The following HIP1 variants were observed in gnomAD, a reference collection of about 807,000 sequenced individuals.
The protein encoded by HIP1 is huntingtin-interacting protein 1.
Under a neutral mutation model 147.6 loss-of-function variants are expected in HIP1, and 65 were observed. The observed-to-expected ratio is 0.44, with a 90% CI of 0.36 to 0.54. HIP1 has a LOEUF of 0.54. Ranked by LOEUF, HIP1 falls within the 20% of genes least tolerant of loss-of-function variation. HIP1 has a pLI of 0.00. For missense variants in HIP1, 1,061 were observed against 1,299.6 expected (o/e 0.82, Z 2.82); for synonymous variants, 479 against 504.0 (o/e 0.95, Z 0.67).
chr7:75,700,686 G>C (rs1800797209), intron 1 of HIP1, among the ~76,000 whole-genome samples: 1 of 151,860 alleles, frequency 6.6e-6, no homozygotes, highest in South Asian at 2.1e-4. Context: ...ACGTCTCCTG[G>C]GGTTACAGTG....
At chr7:75,638,613 C>T (rs563934638) in intron 1 of HIP1, among the ~76,000 whole-genome samples, 1 of 152,252 alleles carries the variant, frequency 6.6e-6, no homozygotes, top group Non-Finnish European at 1.5e-5. Flanking sequence ...TCTCACTGTC[C>T]TCCCAGCGCC....
intron 4 of HIP1, among the ~76,000 whole-genome samples, chr7:75,591,214 A>G (rs59012730): frequency 0.4 from 60,850 of 151,748 alleles, 13,743 homozygotes; most frequent in East Asian, 0.76. Context: ...TGTATTTTTA[A>G]TAGAGCCCGG....
chr7:75,586,306 G>A (rs1452083651), intron 5 of HIP1, among the ~76,000 whole-genome samples: 2 of 146,584 alleles, frequency 1.4e-5, no homozygotes, highest in Non-Finnish European at 3.0e-5. Flanking sequence ...AGGTTCAAGC[G>A]ATTCTCCTGC....
At chr7:75,587,578 A>C (rs587718903) in intron 4 of HIP1, among the ~76,000 whole-genome samples, 159 of 152,350 alleles carry the variant, frequency 1.0e-3, no homozygotes, top group African/African-American at 3.7e-3. Context: ...TGCTATCATA[A>C]ACCATTTCAA....
intron 1 of HIP1, among the ~76,000 whole-genome samples, chr7:75,688,800 C>T (rs1554517850): frequency 1.3e-5 from 2 of 152,186 alleles, no homozygotes; most frequent in African/African-American, 4.8e-5. Flanking sequence ...GAGAGTGGCC[C>T]CGTGGCCCCG....
At chr7:75,667,143 A>G (rs1563281356) in intron 1 of HIP1, among the ~76,000 whole-genome samples, 1 of 152,132 alleles carries the variant, frequency 6.6e-6, no homozygotes, top group Non-Finnish European at 1.5e-5. Flanking sequence ...AACAGGAAAA[A>G]AATGTTATTT....
intron 1 of HIP1, among the ~76,000 whole-genome samples, chr7:75,635,546 C>G (rs1368050162): frequency 1.4e-5 from 2 of 144,442 alleles, no homozygotes; most frequent in East Asian, 4.1e-4. Context: ...CCACTGCACT[C>G]CAGCCTGGGT....
At chr7:75,615,779 A>G (rs1046331721) in intron 1 of HIP1, among the ~76,000 whole-genome samples, 2 of 151,684 alleles carry the variant, frequency 1.3e-5, no homozygotes, top group African/African-American at 2.4e-5. Flanking sequence ...GTCTCAAAAA[A>G]CAAAAACAAA....
rs539283879 is a variant in HIP1, at chr7:75,691,273, G to T, written c.120+47528C>A. 2.0e-5 allele frequency among the ~76,000 whole-genome samples: 3 copies of T among 152,162 alleles called. No homozygotes were observed. The South Asian group carries it at 6.2e-4, about 32-fold the overall frequency. ...GGAGGCCCGGGCAGGAGGATCGCTT[G>T]AGGTCAGGATTTCGAGACCAGTCTG... is the stretch of plus-strand genomic sequence containing the variant. On this transcript the variant is annotated intron_variant, in intron 1 of 30. Coordinates refer to ENST00000336926, the MANE Select transcript of HIP1 (RefSeq NM_005338.7).
At chr7:75,541,613 T>C (rs1333076323) in intron 29 of HIP1, among the ~76,000 whole-genome samples, 1 of 150,948 alleles carries the variant, frequency 6.6e-6, no homozygotes, top group Non-Finnish European at 1.5e-5. Flanking sequence ...GAAGAATTGC[T>C]TGAACCTGGG....
intron 15 of HIP1, 88 bp downstream of exon 15, chr7:75,558,079 G>T: frequency 9.8e-7 from 1 of 1,022,420 alleles, no homozygotes; most frequent in Non-Finnish European, 1.5e-6. Context: ...TGTAGGGGTT[G>T]CTGGCCCCGG....
intron 18 of HIP1, 151 bp from the exon 19 acceptor site, chr7:75,555,702 T>G: frequency 6.9e-6 from 6 of 865,880 alleles, no homozygotes; most frequent in Non-Finnish European, 1.8e-6. Flanking sequence ...GCGCTTTAAC[T>G]GTGTGCACAG....
At chr7:75,681,489 A>C (rs1360573285) in intron 1 of HIP1, among the ~76,000 whole-genome samples, 2 of 125,166 alleles carry the variant, frequency 1.6e-5, no homozygotes, top group African/African-American at 3.1e-5. Context: ...ACAGCACCAC[A>C]GCACCTGCTT....
intron 1 of HIP1, among the ~76,000 whole-genome samples, chr7:75,730,277 A>G (rs1801795538): frequency 6.6e-6 from 1 of 152,078 alleles, no homozygotes; most frequent in South Asian, 2.1e-4. Flanking sequence ...CAGTGACAGA[A>G]GGACAAACAG....
chr7:75,714,411 A>C (rs1253072652), intron 1 of HIP1, among the ~76,000 whole-genome samples: 1 of 150,342 alleles, frequency 6.7e-6, no homozygotes, highest in Non-Finnish European at 1.5e-5. Flanking sequence ...GTTCCCAGAC[A>C]CCCTTTGCCC....
Position 75,568,354 on chromosome 7 carries a change from G to T in HIP1, c.746-98C>A. The T allele has an allele frequency of 1.2e-6, 1 of 832,018 alleles. No homozygotes were observed. Among genetic ancestry groups the T allele is most frequent in the Non-Finnish European group, 2.1e-6 (1 of 473,332 alleles). The allele number at this position is 832,018 out of a possible 1,614,324, so 51.5% of individuals were successfully genotyped here. A position where few individuals can be genotyped will look rare whatever the true frequency, so the allele number is the denominator to read the frequency against. Reference sequence around the variant, plus strand: ...GGGGGAGGGGCCCAGCTACCCTGGGGCATGTGGCCAGCACTGCCAGGGGCC... The same window carrying T: ...GGGGGAGGGGCCCAGCTACCCTGGGTCATGTGGCCAGCACTGCCAGGGGCC... On this transcript the variant is annotated intron_variant, in intron 8 of 30. Coordinates refer to ENST00000336926, the MANE Select transcript of HIP1 (RefSeq NM_005338.7). This position sits in a 1 kb window ranked among gnomAD's most constrained non-coding sequence, Gnocchi z 4.1.
chr7:75,556,031 T>C lies in HIP1; in HGVS notation c.1822A>G (p.Thr608Ala). Residue 608 changes from threonine to alanine, a missense_variant, in exon 18 of 31, where the codon ACA (threonine) becomes GCA (alanine). By Grantham distance (58) the Thr-to-Ala change is moderately conservative (BLOSUM62 0). Around this residue, in one of 3 missense-constraint regions of HIP1, gnomAD observed 810 missense variants for 946.8 expected, o/e 0.86. Transcript: ENST00000336926. Reference protein sequence around the residue: ...LQDTQLKLASTEESMCQLAKD... With the variant: ...LQDTQLKLASAEESMCQLAKD... ...TGTCCATGTCCGTGACTTGCCTCTGTGCTGGCCAGTTTGAGCTGAGTGTCC... is the reference window on the plus strand; with the variant it reads ...TGTCCATGTCCGTGACTTGCCTCTGCGCTGGCCAGTTTGAGCTGAGTGTCC... 6.2e-7 allele frequency: 1 copy of C among 1,614,122 alleles called. No individual in the cohort carries two copies. Among genetic ancestry groups the C allele is most frequent in the Non-Finnish European group, 8.5e-7 (1 of 1,179,968 alleles).
At chr7:75,733,686 AG>A (rs1554523333) in intron 1 of HIP1, 4 of 153,768 alleles carry the variant, frequency 2.6e-5, no homozygotes, top group Non-Finnish European at 5.8e-5. Context: ...GGCTGGTCTG[AG>A]GGTATAGACG....
chr7:75,688,846 G>A (rs1185233232), intron 1 of HIP1, among the ~76,000 whole-genome samples: 1 of 152,210 alleles, frequency 6.6e-6, no homozygotes, highest in Admixed American at 6.5e-5. Context: ...CAGAGCAGCA[G>A]TGCTTCCTAC....
Sources: gnomAD v4.1 joint callset for allele counts (sites outside exome capture counted in the v4.1 genomes callset) on GRCh38, gnomAD v4.1.1 for gene constraint, gnomAD v4.1.1 regional missense constraint, Gnocchi (gnomAD v3.1) non-coding constraint, MANE v1.5 for transcripts, NCBI Gene and HGNC (gene_info 2026-07-23, HGNC 2026-07-21) for gene names.